PTPRC: variants seen among roughly 807,000 people sequenced by gnomAD.
PTPRC encodes the protein receptor-type tyrosine-protein phosphatase C.
In PTPRC, 44 loss-of-function variants were observed where a neutral mutation model predicts 155.9. That is an observed-to-expected ratio of 0.28 (90% CI 0.22 to 0.36). The LOEUF (loss-of-function observed/expected upper bound fraction) is 0.36. Ranked by LOEUF, PTPRC falls within the 10% of genes least tolerant of loss-of-function variation. The pLI, the probability that PTPRC is intolerant of heterozygous loss-of-function variation, is 1.00. For missense variants in PTPRC, 1,401 were observed against 1,564.6 expected (o/e 0.90, Z 1.76); for synonymous variants, 525 against 533.1 (o/e 0.98, Z 0.21).
Position 198,703,281 on chromosome 1 carries a change from T to C in PTPRC, c.584-17T>C, listed in dbSNP as rs2102403007. 2.5e-6 allele frequency: 4 copies of C among 1,612,610 alleles called. No individual in the cohort carries two copies. Among genetic ancestry groups the C allele is most frequent in the Non-Finnish European group, 3.4e-6 (4 of 1,180,028 alleles). On this transcript the variant is annotated splice_polypyrimidine_tract_variant and intron_variant, in intron 6 of 32. Coordinates refer to ENST00000442510, the MANE Select transcript of PTPRC (RefSeq NM_002838.5). ...ACGAATTAATTAGCTTTTATTCTTC[T>C]ATTCATTTTCTTGCAGATGCCTACC... is the stretch of plus-strand genomic sequence containing the variant.
In PTPRC at chr1:198,718,422, G is replaced by C. The variant is rs924826846; in HGVS notation, c.1659+120G>C. The C allele has an allele frequency of 4.7e-5, 41 of 868,966 alleles. No homozygotes were observed. In the African/African-American group the frequency reaches 5.9e-4, roughly 13 times the overall value. The allele number at this position is 868,966 out of a possible 1,614,324, so 53.8% of individuals were successfully genotyped here. On this transcript the variant is annotated intron_variant, in intron 14 of 32. Coordinates refer to ENST00000442510, the MANE Select transcript of PTPRC (RefSeq NM_002838.5). Reference sequence around the variant, plus strand: ...GATTGAGAAGCTCTGATGTGTAATGGAATCACACTTAAAGAGTCTCAAATA... The same window carrying C: ...GATTGAGAAGCTCTGATGTGTAATGCAATCACACTTAAAGAGTCTCAAATA...
chr1:198,685,166 A>T (rs138449833), intron 2 of PTPRC, among the ~76,000 whole-genome samples: 243 of 152,106 alleles, frequency 1.6e-3, no homozygotes, highest in Non-Finnish European at 3.1e-3. Context: ...TACTCATGAG[A>T]TTCCAAAAAT....
chr1:198,696,547 A>C (rs1362627391), intron 3 of PTPRC, among the ~76,000 whole-genome samples, 165 bp from the exon 4 acceptor site: 1 of 152,204 alleles, frequency 6.6e-6, no homozygotes, highest in Non-Finnish European at 1.5e-5. Context: ...ATACATATAC[A>C]CACCATATAC....
intron 2 of PTPRC, among the ~76,000 whole-genome samples, chr1:198,692,037 A>T (rs569518063): frequency 2.9e-4 from 44 of 152,224 alleles, no homozygotes; most frequent in Non-Finnish European, 6.2e-4. Flanking sequence ...GGGAAAAAAA[A>T]GTTTCAAAAG....
chr1:198,748,591 A>G (rs764480849), intron 27 of PTPRC, among the ~76,000 whole-genome samples: 1 of 151,844 alleles, frequency 6.6e-6, no homozygotes, highest in Non-Finnish European at 1.5e-5. Flanking sequence ...TTTGTTCTCT[A>G]TATGTTTCCT....
In PTPRC at chr1:198,711,747, C is replaced by G. The variant is rs896880063; in HGVS notation, c.1172-1206C>G. Among the ~76,000 whole-genome samples the G allele has an allele frequency of 3.3e-5, 5 of 152,226 alleles. No individual in the cohort carries two copies. The East Asian group carries it at 9.6e-4, about 29-fold the overall frequency. ...ACAACAGAAGTTTTTCCAGAATATA[C>G]AGAGAGCTCTTTCAGCTGCAAAATA... is the stretch of plus-strand genomic sequence containing the variant. On this transcript the variant is annotated intron_variant, in intron 11 of 32. Transcript: ENST00000442510.
intron 2 of PTPRC, among the ~76,000 whole-genome samples, chr1:198,643,542 T>G (rs1662762060): frequency 6.6e-6 from 1 of 151,878 alleles, no homozygotes; most frequent in South Asian, 2.1e-4. Context: ...TTGTTTTTGT[T>G]TGTTTGTTTG....
chr1:198,662,577 G>T (rs1044374820), intron 2 of PTPRC, among the ~76,000 whole-genome samples: 5 of 151,704 alleles, frequency 3.3e-5, no homozygotes, highest in African/African-American at 1.2e-4. Flanking sequence ...TTATATGATA[G>T]AAATAAGAGA....
intron 2 of PTPRC, among the ~76,000 whole-genome samples, chr1:198,681,934 G>T (rs1234474218): frequency 1.3e-5 from 2 of 152,222 alleles, no homozygotes; most frequent in Middle Eastern, 3.2e-3. Context: ...TTAACCCCGA[G>T]ATAGGGCTGA....
intron 23 of PTPRC, among the ~76,000 whole-genome samples, chr1:198,741,454 G>A (rs1308318139): frequency 6.6e-6 from 1 of 151,852 alleles, no homozygotes; most frequent in East Asian, 1.9e-4. Flanking sequence ...ACAGTTGTGA[G>A]AATGACCTTT....
At chr1:198,639,578 G>A (rs1662461778) in intron 2 of PTPRC, among the ~76,000 whole-genome samples, 1 of 151,964 alleles carries the variant, frequency 6.6e-6, no homozygotes, top group South Asian at 2.1e-4. Flanking sequence ...GGAAAGCAAT[G>A]TCTATCTGTA....
rs771097555 is a variant in PTPRC, at chr1:198,748,211, A to AT, written c.2938+19dup. On this transcript the variant is annotated intron_variant, in intron 27 of 32. Coordinates refer to ENST00000442510, the MANE Select transcript of PTPRC (RefSeq NM_002838.5). ...TAATGTCATCCCATGTATGTAGTTT[A>AT]TTTTTTTATTTTTTGTATCAGATAA... The AT allele has an allele frequency of 1.9e-5, 31 of 1,591,016 alleles. No individual in the cohort carries two copies. The highest frequency in any genetic ancestry group is 2.7e-5 in the African/African-American group (2 of 73,418).
chr1:198,703,765 G>A, intron 7 of PTPRC: 1 of 233,592 alleles, frequency 4.3e-6, no homozygotes, highest in South Asian at 6.2e-5. Flanking sequence ...ATAAAGGAAA[G>A]AGAAACTGAG....
chr1:198,743,313 TA>T (rs910488574), intron 25 of PTPRC, among the ~76,000 whole-genome samples: 6 of 151,460 alleles, frequency 4.0e-5, no homozygotes, highest in Non-Finnish European at 5.9e-5. Flanking sequence ...TTATGTGATT[TA>T]AAAAAAACAT....
At chr1:198,713,137 T>G in intron 12 of PTPRC, 65 bp downstream of exon 12, 1 of 1,606,088 alleles carries the variant, frequency 6.2e-7, no homozygotes, top group Non-Finnish European at 8.5e-7. Flanking sequence ...TACTAGAAAT[T>G]TTTATTGAGC....
chr1:198,662,477 T>TGTGTGTGA (rs1553232046), intron 2 of PTPRC, among the ~76,000 whole-genome samples: 1 of 59,450 alleles, frequency 1.7e-5, no homozygotes, highest in East Asian at 1.1e-3. Context: ...TGTGTGTGTG[T>TGTGTGTGA]GAGAGTGTGT....
chr1:198,691,353 A>G (rs1206373878), intron 2 of PTPRC, among the ~76,000 whole-genome samples: 2 of 152,092 alleles, frequency 1.3e-5, no homozygotes, highest in Non-Finnish European at 2.9e-5. Flanking sequence ...ACTCACTAGC[A>G]TGTTAAACTA....
At chr1:198,754,452 TC>T in intron 32 of PTPRC, 48 bp downstream of exon 32, 1 of 1,603,206 alleles carries the variant, frequency 6.2e-7, no homozygotes, top group South Asian at 1.1e-5. Flanking sequence ...ATTTTTTTTT[TC>T]TTTTTGACGG....
At chr1:198,654,500 A>G (rs534766324) in intron 2 of PTPRC, among the ~76,000 whole-genome samples, 1 of 151,914 alleles carries the variant, frequency 6.6e-6, no homozygotes, top group South Asian at 2.1e-4. Context: ...TTAGTGAAGA[A>G]AAGACAACTA....
Sources: allele counts gnomAD v4.1 joint callset (sites outside exome capture counted in the v4.1 genomes callset), GRCh38; gene constraint gnomAD v4.1.1; transcripts MANE v1.5; gene names NCBI Gene and HGNC (gene_info 2026-07-23, HGNC 2026-07-21).